The following NLGN1 variants were observed in gnomAD, a reference collection of about 807,000 sequenced individuals.
NLGN1 encodes the protein neuroligin-1.
A neutral mutation model predicts 65.5 loss-of-function variants in NLGN1; 12 were observed. The ratio of observed to expected loss-of-function variants is 0.18; its 90% confidence interval spans 0.12 to 0.30. NLGN1 has a LOEUF of 0.30. NLGN1 is among the 10% of genes least tolerant of loss of function. NLGN1 has a pLI of 1.00. For missense variants in NLGN1, 750 were observed against 1,007.1 expected (o/e 0.74, Z 3.46); for synonymous variants, 350 against 359.5 (o/e 0.97, Z 0.30).
intron 2 of NLGN1, among the ~76,000 whole-genome samples, chr3:173,457,918 G>A (rs960738619): frequency 2.0e-5 from 3 of 152,060 alleles, no homozygotes; most frequent in African/African-American, 7.2e-5. Flanking sequence ...GTGTGTAATA[G>A]GAGTTAGGGA....
chr3:173,715,092 G>T (rs1019456919), intron 3 of NLGN1, among the ~76,000 whole-genome samples: 1 of 152,080 alleles, frequency 6.6e-6, no homozygotes, highest in Non-Finnish European at 1.5e-5. Flanking sequence ...CATGAAAGGT[G>T]GGGGAGAGAG....
intron 3 of NLGN1, among the ~76,000 whole-genome samples, chr3:173,625,826 TA>T (rs1754740731): frequency 6.6e-6 from 1 of 152,126 alleles, no homozygotes; most frequent in African/African-American, 2.4e-5. Flanking sequence ...ATTGACTTTT[TA>T]TTTAAAACCA....
intron 4 of NLGN1, among the ~76,000 whole-genome samples, chr3:174,074,833 C>T (rs1377673747): frequency 6.6e-6 from 1 of 152,138 alleles, no homozygotes; most frequent in Non-Finnish European, 1.5e-5. Context: ...TTAAGCAGTC[C>T]GTTACACAGT....
chr3:173,959,405 T>C (rs1712986527), intron 4 of NLGN1, among the ~76,000 whole-genome samples: 1 of 152,232 alleles, frequency 6.6e-6, no homozygotes, highest in Non-Finnish European at 1.5e-5. Context: ...AAGGAGTCTA[T>C]GTCTCCCATG....
chr3:173,963,062 A>G (rs1035785695), intron 4 of NLGN1, among the ~76,000 whole-genome samples: 2 of 152,146 alleles, frequency 1.3e-5, no homozygotes, highest in African/African-American at 2.4e-5. Context: ...CAACAATAAT[A>G]ATATGCTACC....
chr3:174,207,142 T>C (rs1257179574), intron 4 of NLGN1, among the ~76,000 whole-genome samples: 1 of 150,804 alleles, frequency 6.6e-6, no homozygotes, highest in East Asian at 1.9e-4. Flanking sequence ...ATTTTGAAAC[T>C]GAATGGTGCT....
chr3:173,720,236 C>G (rs1770598276), intron 3 of NLGN1, among the ~76,000 whole-genome samples: 1 of 152,190 alleles, frequency 6.6e-6, no homozygotes, highest in South Asian at 2.1e-4. Context: ...AAAATAAACA[C>G]TCTTGAGAGA....
intron 4 of NLGN1, among the ~76,000 whole-genome samples, chr3:173,919,830 A>G (rs1430012534): frequency 6.6e-6 from 1 of 152,174 alleles, no homozygotes; most frequent in Non-Finnish European, 1.5e-5. Flanking sequence ...GTTTTGCTAT[A>G]GAGAAGACTC....
chr3:174,109,911 G>A (rs1045812180), intron 4 of NLGN1, among the ~76,000 whole-genome samples: 7 of 151,958 alleles, frequency 4.6e-5, no homozygotes, highest in Admixed American at 3.3e-4. Flanking sequence ...ACTATGTCTG[G>A]TATGGTCAAT....
intron 4 of NLGN1, among the ~76,000 whole-genome samples, chr3:174,131,230 TAAG>T (rs1233075007): frequency 2.0e-5 from 3 of 152,200 alleles, no homozygotes; most frequent in Non-Finnish European, 4.4e-5. Context: ...ATAGCAATAA[TAAG>T]TAACATACCT....
intron 3 of NLGN1, among the ~76,000 whole-genome samples, chr3:173,713,203 A>C (rs1435106451): frequency 6.6e-6 from 1 of 152,290 alleles, no homozygotes; most frequent in East Asian, 1.9e-4. Context: ...GGTCAACTTG[A>C]CTGTGATAAT....
chr3:173,675,357 C>T (rs1261977769), intron 3 of NLGN1, among the ~76,000 whole-genome samples: 1 of 152,098 alleles, frequency 6.6e-6, no homozygotes. Flanking sequence ...ATATATCTCT[C>T]AATTGACCAG....
intron 4 of NLGN1, among the ~76,000 whole-genome samples, chr3:174,256,845 G>A (rs903034504): frequency 2.0e-5 from 3 of 152,046 alleles, no homozygotes; most frequent in Non-Finnish European, 4.4e-5. Flanking sequence ...CAGGACATAG[G>A]CACAGGCAAA....
At position 173,696,790 on chromosome 3, in the gene NLGN1, A is replaced by G. The variant is rs114508468; in HGVS notation, c.493+91699A>G. 3.3e-3 allele frequency among the ~76,000 whole-genome samples: 508 copies of G among 152,312 alleles called. 3 individuals are homozygous for G. The highest frequency in any genetic ancestry group is 5.2e-3 in the Non-Finnish European group (353 of 68,030). On this transcript the variant is annotated intron_variant, in intron 3 of 6. Coordinates refer to ENST00000457714, the Ensembl canonical transcript of NLGN1. ...AAAAATGTTGCCCTACATATACAAG[A>G]AAGTGTAAATTTCTATGAACTAGCC...
At chr3:174,086,172 G>T (rs1743188770) in intron 4 of NLGN1, among the ~76,000 whole-genome samples, 1 of 144,520 alleles carries the variant, frequency 6.9e-6, no homozygotes, top group Non-Finnish European at 1.5e-5. Flanking sequence ...AATATTTGAT[G>T]AAGTATATAT....
chr3:174,034,966 T>C (rs557987778), intron 4 of NLGN1, among the ~76,000 whole-genome samples: 1 of 152,280 alleles, frequency 6.6e-6, no homozygotes, highest in South Asian at 2.1e-4. Flanking sequence ...GAGAAAGATA[T>C]GCCATGCTAA....
intron 1 of NLGN1, among the ~76,000 whole-genome samples, chr3:173,406,390 CTTTT>C (rs1718664477): frequency 6.6e-6 from 1 of 150,742 alleles, no homozygotes; most frequent in Non-Finnish European, 1.5e-5. Flanking sequence ...TGAAGTTTCC[CTTTT>C]TTATTTTATC....
intron 4 of NLGN1, among the ~76,000 whole-genome samples, chr3:173,866,158 G>A (rs1263069644): frequency 2.6e-5 from 4 of 152,190 alleles, no homozygotes; most frequent in Non-Finnish European, 5.9e-5. Flanking sequence ...GAATGTATTT[G>A]TGAATTGCAA....
At chr3:173,592,618 A>T (rs900011380) in intron 2 of NLGN1, among the ~76,000 whole-genome samples, 2 of 152,218 alleles carry the variant, frequency 1.3e-5, no homozygotes, top group Non-Finnish European at 2.9e-5. Flanking sequence ...GTCAAGCATC[A>T]CAGATGGATA....
Sources: allele counts gnomAD v4.1 joint callset (sites outside exome capture counted in the v4.1 genomes callset), GRCh38; gene constraint gnomAD v4.1.1; transcripts MANE v1.5; gene names NCBI Gene and HGNC (gene_info 2026-07-23, HGNC 2026-07-21).